Variants in SH3BP4 observed in about 807,000 individuals in gnomAD.
SH3BP4 encodes the protein SH3 domain-binding protein 4.
SH3BP4 carries 33 observed loss-of-function variants against 65.5 expected under a neutral mutation model. The ratio of observed to expected loss-of-function variants is 0.50; its 90% CI spans 0.38 to 0.67. The LOEUF (loss-of-function observed/expected upper bound fraction) is 0.67, where lower values mean the gene tolerates loss of function less well. SH3BP4 is among the 30% of genes least tolerant of loss of function. The pLI is 0.00. For missense variants in SH3BP4, 1,134 were observed against 1,261.4 expected, an observed-to-expected ratio of 0.90 and a Z score of 1.53; for synonymous variants, 552 against 545.5, an observed-to-expected ratio of 1.01 and a Z score of -0.17.
chr2:234,963,741 C>T lies in SH3BP4; in HGVS notation c.-207+11571C>T, dbSNP rs1051403021. Among the ~76,000 whole-genome samples the T allele has an allele frequency of 9.2e-5, 14 of 152,304 alleles. No homozygotes were observed. In the South Asian group the frequency reaches 1.9e-3, roughly 20 times the overall value. On this transcript the variant is annotated intron_variant, in intron 1 of 5. Transcript: ENST00000392011. Reference sequence around the variant, plus strand: ...GTGATGGTTTTCATGCATTCAGCTTCGGAGCTGTTGTTGTAAGCTTCTCCA... The same window carrying T: ...GTGATGGTTTTCATGCATTCAGCTTTGGAGCTGTTGTTGTAAGCTTCTCCA...
intron 2 of SH3BP4, among the ~76,000 whole-genome samples, chr2:234,996,518 C>T (rs1169199499): frequency 6.6e-6 from 1 of 152,178 alleles, no homozygotes; most frequent in Non-Finnish European, 1.5e-5. Context: ...GGTCAGTCCT[C>T]CGCCCACTGG....
intron 2 of SH3BP4, among the ~76,000 whole-genome samples, chr2:235,015,627 C>G (rs1022831849): frequency 1.3e-5 from 2 of 152,190 alleles, no homozygotes; most frequent in African/African-American, 4.8e-5. Context: ...ACAGCTCACT[C>G]TGGTGAGCCA....
chr2:235,007,986 G>A (rs1169354373), intron 2 of SH3BP4, among the ~76,000 whole-genome samples: 2 of 152,182 alleles, frequency 1.3e-5, no homozygotes, highest in Non-Finnish European at 2.9e-5. Flanking sequence ...GCCGTTGGGG[G>A]TGGAGGATGC....
At position 235,043,003 on chromosome 2, in the gene SH3BP4, T is replaced by C; in HGVS notation, c.2234T>C (p.Leu745Pro). 1 of 1,609,998 alleles carries C rather than the reference T, an allele frequency of 6.2e-7. No individual in the cohort carries two copies. Among genetic ancestry groups the C allele is most frequent in the Non-Finnish European group, 8.5e-7 (1 of 1,177,024 alleles). Reference protein sequence around the residue: ...LSTSVLLEQILRPCKFLTYIY... With the variant: ...LSTSVLLEQIPRPCKFLTYIY... ...ACCTCGGTGCTGCTGGAGCAGATCC[T>C]GCGGCCCTGCAAATTCCTCACGTAC... is the stretch of plus-strand genomic sequence containing the variant. Residue 745 changes from leucine to proline, a missense_variant, in exon 4 of 6, where the codon CTG (leucine) becomes CCG (proline). By Grantham distance (98) the Leu-to-Pro change is moderately conservative. Coordinates refer to ENST00000392011, the MANE Select transcript of SH3BP4 (RefSeq NM_014521.3).
At position 234,996,677 on chromosome 2, in the gene SH3BP4, G is replaced by T. The variant is rs1404396287; in HGVS notation, c.-133+1301G>T. ...CATCCACATTCCTGGCATTCTTTCT[G>T]CCTGGCATTGGTCAGAAAGCGGGGG... On this transcript the variant is annotated intron_variant, in intron 2 of 5. Coordinates refer to ENST00000392011, the MANE Select transcript of SH3BP4 (RefSeq NM_014521.3). Among the ~76,000 whole-genome samples the T allele has an allele frequency of 2.6e-5, 4 of 152,186 alleles. No individual in the cohort carries two copies. In the East Asian group the frequency reaches 5.8e-4, roughly 22 times the overall value.
intron 1 of SH3BP4, among the ~76,000 whole-genome samples, chr2:234,993,271 G>T (rs547455477): frequency 6.6e-6 from 1 of 152,304 alleles, no homozygotes; most frequent in African/African-American, 2.4e-5. Flanking sequence ...CTCGCCCCCC[G>T]CCTCATTTCC....
Position 235,027,481 on chromosome 2 carries a change from C to T in SH3BP4, c.-132-7390C>T, listed in dbSNP as rs140112555. Among the ~76,000 whole-genome samples the T allele has an allele frequency of 1.1e-3, 160 of 152,310 alleles. 1 individual carries two copies. The highest frequency in any genetic ancestry group is 0.01 in the Middle Eastern group (3 of 294). On this transcript the variant is annotated intron_variant, in intron 2 of 5. Coordinates refer to ENST00000392011, the MANE Select transcript of SH3BP4 (RefSeq NM_014521.3). ...GTGGGTTTTAGGGTCCTCCGGAATG[C>T]ACTCTTGCTCGCGGAGGGAGATGAG...
At chr2:235,038,036 C>T (rs925626960) in intron 3 of SH3BP4, among the ~76,000 whole-genome samples, 2 of 151,070 alleles carry the variant, frequency 1.3e-5, no homozygotes, top group African/African-American at 4.9e-5. Flanking sequence ...TCCACAAATA[C>T]TCATTGAGTC....
intron 1 of SH3BP4, among the ~76,000 whole-genome samples, chr2:234,959,238 C>T (rs1453204359): frequency 6.6e-6 from 1 of 152,188 alleles, no homozygotes; most frequent in Non-Finnish European, 1.5e-5. Flanking sequence ...CTGGGTCTGC[C>T]TGTGTCCTAG....
chr2:235,040,859 A>C (rs1695608957), intron 3 of SH3BP4, 29 bp from the exon 4 acceptor site: 1 of 1,593,604 alleles, frequency 6.3e-7, no homozygotes. Flanking sequence ...CCTTGCCCTC[A>C]CCATCTGTTT....
chr2:235,045,801 C>T lies in SH3BP4; in HGVS notation c.2478+2554C>T, dbSNP rs976045471. On this transcript the variant is annotated intron_variant, in intron 4 of 5. Transcript: ENST00000392011. This position sits in a 1 kb window ranked among gnomAD's most constrained non-coding sequence, Gnocchi z 4.3. ...ACCTGCCCCTCCCAGAGAGTCACAG[C>T]CAGGCCACCCCCTGCCTCTCATTTT... Among the ~76,000 whole-genome samples, 1 of 152,176 alleles carries T rather than the reference C, an allele frequency of 6.6e-6. No homozygotes were observed. Among genetic ancestry groups the T allele is most frequent in the African/African-American group, 2.4e-5 (1 of 41,432 alleles).
rs551960665 is a variant in SH3BP4 at position 234,997,025 on chromosome 2, C to T, written c.-133+1649C>T. On this transcript the variant is annotated intron_variant, in intron 2 of 5. Coordinates refer to ENST00000392011, the MANE Select transcript of SH3BP4 (RefSeq NM_014521.3). The surrounding 1 kb of genome is among the most constrained non-coding windows in gnomAD (Gnocchi z 4.2). ...TGGGACGGGTGCCGCCATCCCACAG[C>T]GGTGCCCGCTTGTCTCCGTGGCGGG... 2.3e-3 allele frequency among the ~76,000 whole-genome samples: 347 copies of T among 152,344 alleles called. No individual in the cohort carries two copies. The highest frequency in any genetic ancestry group is 7.7e-3 in the African/African-American group (321 of 41,584).
chr2:234,985,488 G>C (rs1693520688), intron 1 of SH3BP4, among the ~76,000 whole-genome samples: 1 of 152,108 alleles, frequency 6.6e-6, no homozygotes, highest in Non-Finnish European at 1.5e-5. Context: ...AGCTGTTTTT[G>C]ACACTTGTGC....
rs540241920 is a variant in SH3BP4 at position 235,013,015 on chromosome 2, C to T, written c.-133+17639C>T. On this transcript the variant is annotated intron_variant, in intron 2 of 5. Transcript: ENST00000392011. ...ATGCAGATGGTGACACAGCTTTTCTCCCAGGCTGTGGAAATTTCAGCCCAC... is the reference window on the plus strand; with the variant it reads ...ATGCAGATGGTGACACAGCTTTTCTTCCAGGCTGTGGAAATTTCAGCCCAC... Among the ~76,000 whole-genome samples the T allele has an allele frequency of 3.9e-5, 6 of 152,342 alleles. No individual in the cohort carries two copies. The East Asian group carries it at 1.2e-3, about 29-fold the overall frequency.
chr2:235,052,639 G>A lies in SH3BP4; in HGVS notation c.2556G>A (p.Glu852=). The A allele has an allele frequency of 6.3e-7, 1 of 1,579,912 alleles. No individual in the cohort carries two copies. ...TTGTGCTCCTGACCACGGCTGTAGA[G>A]GTGGCCCAGCGCTGGCGGGAGCTGG... ...QDFVLLTTAV[E]VAQRWRELAE... is the part of the protein sequence containing the mutation. The change falls in exon 5 of 6, where the codon GAG becomes GAA. Residue 852 remains glutamate (E), a synonymous_variant. Coordinates refer to ENST00000392011, the MANE Select transcript of SH3BP4 (RefSeq NM_014521.3). This position sits in a 1 kb window ranked among gnomAD's most constrained non-coding sequence, Gnocchi z 5.0.
chr2:234,968,418 T>C (rs1305990329), intron 1 of SH3BP4, among the ~76,000 whole-genome samples: 1 of 151,350 alleles, frequency 6.6e-6, no homozygotes, highest in Non-Finnish European at 1.5e-5. Flanking sequence ...TCTTATTTTC[T>C]AGTTACCCTC....
chr2:234,986,896 C>T (rs941647598), intron 1 of SH3BP4, among the ~76,000 whole-genome samples: 1 of 151,996 alleles, frequency 6.6e-6, no homozygotes, highest in African/African-American at 2.4e-5. Context: ...CCTCAGCCCC[C>T]CAAGTAGCTG....
In SH3BP4 at chr2:235,042,042, T is replaced by A. The variant is rs1210418894; in HGVS notation, c.1273T>A (p.Tyr425Asn). 6.2e-7 allele frequency: 1 copy of A among 1,613,918 alleles called. No homozygotes were observed. The highest frequency in any genetic ancestry group is 8.5e-7 in the Non-Finnish European group (1 of 1,180,032). Residue 425 changes from tyrosine to asparagine, a missense_variant, in exon 4 of 6, where the codon TAT becomes AAT. Coordinates refer to ENST00000392011, the MANE Select transcript of SH3BP4 (RefSeq NM_014521.3). The surrounding 1 kb of genome is among the most constrained non-coding windows in gnomAD (Gnocchi z 7.3). ...GAGGAGCGACTCGAAGGAAGGGCCA[T>A]ATGTCTCCGTCCCGCTCAACTGCAG... Reference protein sequence around the residue: ...CLRSDSKEGPYVSVPLNCSCG... With the variant: ...CLRSDSKEGPNVSVPLNCSCG...
intron 2 of SH3BP4, among the ~76,000 whole-genome samples, chr2:235,014,228 C>T (rs78308315): frequency 0.013 from 2,018 of 152,254 alleles, 53 homozygotes; most frequent in African/African-American, 0.046. Context: ...GTTTGGCGAG[C>T]AGGATCGGGC....
Sources: gnomAD v4.1 joint callset for allele counts (sites outside exome capture counted in the v4.1 genomes callset) on GRCh38, gnomAD v4.1.1 for gene constraint, Gnocchi (gnomAD v3.1) non-coding constraint, MANE v1.5 for transcripts, NCBI Gene and HGNC (gene_info 2026-07-23, HGNC 2026-07-21) for gene names.